The following TENT2 variants were observed in gnomAD, a reference collection of about 807,000 sequenced individuals.
TENT2 encodes poly(A) RNA polymerase GLD2.
In TENT2, 44 loss-of-function variants were observed where a neutral mutation model predicts 72.2. The ratio of observed to expected loss-of-function variants is 0.61; its 90% CI spans 0.48 to 0.78. The LOEUF is 0.78. TENT2 is among the 30% of genes least tolerant of loss of function. The pLI is 0.00. For synonymous variants in TENT2, 212 were observed against 192.5 expected, an observed-to-expected ratio of 1.10 and a Z score of -0.84; for missense variants, 541 against 569.6, an observed-to-expected ratio of 0.95 and a Z score of 0.51.
chr5:79,639,697 G>A (rs1200571626), intron 4 of TENT2, among the ~76,000 whole-genome samples: 1 of 152,098 alleles, frequency 6.6e-6, no homozygotes, highest in African/African-American at 2.4e-5. Flanking sequence ...TTCTAGAGCA[G>A]GTATGAGGAG....
intron 10 of TENT2, among the ~76,000 whole-genome samples, chr5:79,654,472 C>G (rs1796467177): frequency 6.6e-6 from 1 of 151,810 alleles, no homozygotes; most frequent in African/African-American, 2.4e-5. Flanking sequence ...CATCAATTGG[C>G]TAGAAATAAT....
chr5:79,614,827 T>A (rs1023906461), intron 1 of TENT2, among the ~76,000 whole-genome samples: 3 of 152,246 alleles, frequency 2.0e-5, no homozygotes, highest in African/African-American at 7.2e-5. Context: ...TTATGATAAT[T>A]GTTTTGATGT....
intron 13 of TENT2, among the ~76,000 whole-genome samples, chr5:79,681,468 G>A (rs773206509): frequency 2.0e-5 from 3 of 151,816 alleles, no homozygotes; most frequent in Non-Finnish European, 4.4e-5. Flanking sequence ...AGACTTCACT[G>A]TATCTTTTTC....
At chr5:79,659,854 G>A (rs1245123992) in intron 11 of TENT2, among the ~76,000 whole-genome samples, 1 of 149,334 alleles carries the variant, frequency 6.7e-6, no homozygotes, top group Non-Finnish European at 1.5e-5. Context: ...CATTTTATTT[G>A]TATACATCTG....
chr5:79,628,682 T>G (rs79352042), intron 4 of TENT2, among the ~76,000 whole-genome samples: 3,895 of 152,252 alleles, frequency 0.026, 167 homozygotes, highest in African/African-American at 0.089. Flanking sequence ...ATAGGCTGAT[T>G]GAGGAAGTAC....
chr5:79,650,555 C>T (rs935383011), intron 10 of TENT2, among the ~76,000 whole-genome samples: 11 of 151,730 alleles, frequency 7.2e-5, no homozygotes, highest in Non-Finnish European at 1.6e-4. Flanking sequence ...TTTGGTGCTC[C>T]TTGTATTTAG....
At chr5:79,672,414 C>G (rs1308231723) in intron 12 of TENT2, among the ~76,000 whole-genome samples, 1 of 152,148 alleles carries the variant, frequency 6.6e-6, no homozygotes, top group African/African-American at 2.4e-5. Flanking sequence ...CTTATTCGTT[C>G]TATTTTCTTG....
chr5:79,646,730 C>G (rs1015946090), intron 8 of TENT2, among the ~76,000 whole-genome samples: 2 of 148,848 alleles, frequency 1.3e-5, no homozygotes, highest in African/African-American at 4.9e-5. Context: ...TATTCTTTTT[C>G]TATTTAAGAT....
intron 4 of TENT2, among the ~76,000 whole-genome samples, chr5:79,635,324 T>C (rs1779202973): frequency 6.6e-6 from 1 of 152,146 alleles, no homozygotes; most frequent in Non-Finnish European, 1.5e-5. Flanking sequence ...AGTTAATGGG[T>C]AGATAATGAC....
At chr5:79,655,149 A>G (rs1797004888) in intron 10 of TENT2, among the ~76,000 whole-genome samples, 1 of 152,166 alleles carries the variant, frequency 6.6e-6, no homozygotes, top group Non-Finnish European at 1.5e-5. Context: ...AAACATTTTA[A>G]AAACTACTAA....
At chr5:79,679,782 A>C in intron 13 of TENT2, 112 bp downstream of exon 13, 1 of 555,632 alleles carries the variant, frequency 1.8e-6, no homozygotes, top group East Asian at 3.6e-5. Context: ...GTGATTTGTA[A>C]GTCTTTTAGT....
At chr5:79,657,761 T>C (rs1256820458) in intron 11 of TENT2, among the ~76,000 whole-genome samples, 1 of 152,148 alleles carries the variant, frequency 6.6e-6, no homozygotes, top group Non-Finnish European at 1.5e-5. Flanking sequence ...GAAATAATAT[T>C]TAAGCTACTT....
chr5:79,651,265 A>G (rs1215534904), intron 10 of TENT2, among the ~76,000 whole-genome samples: 1 of 152,022 alleles, frequency 6.6e-6, no homozygotes, highest in African/African-American at 2.4e-5. Context: ...GGACAAATAA[A>G]TAACTGTAAA....
intron 12 of TENT2, among the ~76,000 whole-genome samples, chr5:79,676,139 CAT>C (rs575705382): frequency 1.8e-3 from 255 of 144,030 alleles, no homozygotes; most frequent in African/African-American, 6.5e-3. Context: ...AGTATATATA[CAT>C]ATATATATAC....
intron 11 of TENT2, 147 bp downstream of exon 11, chr5:79,657,148 T>G (rs914382821): frequency 1.9e-6 from 1 of 534,216 alleles, no homozygotes. Context: ...TTTAAAATGT[T>G]TCATATACTG....
chr5:79,652,027 A>T (rs1794528367), intron 10 of TENT2, among the ~76,000 whole-genome samples: 1 of 152,110 alleles, frequency 6.6e-6, no homozygotes, highest in Non-Finnish European at 1.5e-5. Flanking sequence ...ATACACAATC[A>T]TGCTGAGAGT....
chr5:79,626,526 T>C (rs1474170333), intron 4 of TENT2, among the ~76,000 whole-genome samples: 2 of 151,188 alleles, frequency 1.3e-5, no homozygotes, highest in Non-Finnish European at 3.0e-5. Context: ...CCAGGATGGT[T>C]TTGATCTCCT....
chr5:79,643,167 C>A (rs1785777248), intron 7 of TENT2, among the ~76,000 whole-genome samples: 1 of 152,014 alleles, frequency 6.6e-6, no homozygotes, highest in Non-Finnish European at 1.5e-5. Context: ...AGTTTTAGTT[C>A]TTTTTCTCAA....
In TENT2 at chr5:79,623,233, G is replaced by T. The variant is rs1561459906; in HGVS notation, c.228-19G>T. 13 of 1,555,550 alleles carry T rather than the reference G, an allele frequency of 8.4e-6. No individual in the cohort carries two copies. The highest frequency in any genetic ancestry group is 1.8e-5 in the Admixed American group (1 of 55,866). On this transcript the variant is annotated intron_variant, in intron 3 of 14. Coordinates refer to ENST00000453514, the MANE Select transcript of TENT2 (RefSeq NM_001114394.3). ...GAAAGTTGTATCTTTAATTACTAAG[G>T]TATATTGCTTGTTTTCAGGAGATTA...
Sources: gnomAD v4.1 joint callset for allele counts (sites outside exome capture counted in the v4.1 genomes callset) on GRCh38, gnomAD v4.1.1 for gene constraint, MANE v1.5 for transcripts, NCBI Gene and HGNC (gene_info 2026-07-23, HGNC 2026-07-21) for gene names.